Variants in BMP1 observed in about 807,000 individuals in gnomAD.
BMP1 encodes mammalian tolloid protein.
BMP1 carries 63 observed loss-of-function variants against 116.8 expected under a neutral mutation model. The observed-to-expected ratio is 0.54, with a 90% CI of 0.44 to 0.67. BMP1 has a LOEUF of 0.67. BMP1 is among the 30% of genes least tolerant of loss of function. The probability of loss-of-function intolerance (pLI) is 0.00; values close to 1 mark genes in which losing one functional copy is unlikely to be tolerated. For synonymous variants in BMP1, 536 were observed against 533.4 expected (o/e 1.00, Z -0.07); for missense variants, 1,183 against 1,358.9 (o/e 0.87, Z 2.04).
intron 1 of BMP1, among the ~76,000 whole-genome samples, chr8:22,168,492 AC>A (rs1225354018): frequency 6.6e-6 from 1 of 152,124 alleles, no homozygotes; most frequent in Non-Finnish European, 1.5e-5. Flanking sequence ...AGCATGTCAC[AC>A]CCAGAGCTGG....
intron 17 of BMP1, 57 bp downstream of exon 17, chr8:22,207,038 T>C (rs1829373677): frequency 6.3e-7 from 1 of 1,598,634 alleles, no homozygotes; most frequent in Non-Finnish European, 8.5e-7. Flanking sequence ...TCAGAGGCAC[T>C]GCCCAGAGCC....
chr8:22,200,701 G>A (rs746150458), intron 15 of BMP1, among the ~76,000 whole-genome samples: 1 of 152,108 alleles, frequency 6.6e-6, no homozygotes, highest in Non-Finnish European at 1.5e-5. Context: ...TTGCGAGTGC[G>A]TGTGTCTGTC....
chr8:22,170,792 T>TA (rs201059072), intron 1 of BMP1: 9,833 of 148,490 alleles, frequency 0.066, 431 homozygotes, highest in Middle Eastern at 0.11. Flanking sequence ...TCGTCTCTAC[T>TA]AAAAAAAAAA....
chr8:22,171,872 G>A (rs972790979), intron 1 of BMP1, among the ~76,000 whole-genome samples: 5 of 152,232 alleles, frequency 3.3e-5, no homozygotes, highest in Admixed American at 1.3e-4. Flanking sequence ...GAATATCAGC[G>A]TGGCAATTCA....
chr8:22,189,431 G>GATACAC (rs1314180842), intron 8 of BMP1, among the ~76,000 whole-genome samples: 2 of 31,744 alleles, frequency 6.3e-5, no homozygotes, highest in African/African-American at 3.0e-4. Flanking sequence ...TATTGATGGA[G>GATACAC]ATACACACAC....
At chr8:22,165,882 C>CGTGTGTGTGTGTGTGTGT (rs149003237) in intron 1 of BMP1, among the ~76,000 whole-genome samples, 2,206 of 131,356 alleles carry the variant, frequency 0.017, 65 homozygotes, top group Middle Eastern at 0.032. Context: ...CCTGTGCGTG[C>CGTGTGTGTGTGTGTGTGT]GTGTGTGTGT....
intron 8 of BMP1, among the ~76,000 whole-genome samples, chr8:22,190,251 C>G (rs1410730286): frequency 2.0e-5 from 3 of 152,200 alleles, no homozygotes; most frequent in Admixed American, 6.5e-5. Context: ...AAAACATGAT[C>G]TTACTCAATT....
chr8:22,178,096 C>G (rs1294224965), intron 6 of BMP1, 139 bp downstream of exon 6: 1 of 700,106 alleles, frequency 1.4e-6, no homozygotes, highest in East Asian at 2.7e-5. Context: ...GGCCTCCAAG[C>G]AGAGGGTCCG....
chr8:22,170,024 A>G (rs940451767), intron 1 of BMP1: 2 of 152,434 alleles, frequency 1.3e-5, no homozygotes, highest in African/African-American at 2.4e-5. Flanking sequence ...AGGGCAGCCC[A>G]AAAGCACAGA....
At chr8:22,174,421 C>G (rs1048722922) in intron 2 of BMP1, among the ~76,000 whole-genome samples, 1 of 152,076 alleles carries the variant, frequency 6.6e-6, no homozygotes, top group African/African-American at 2.4e-5. Flanking sequence ...CTCCTAAAAA[C>G]CCATGTGGTA....
intron 1 of BMP1, among the ~76,000 whole-genome samples, chr8:22,169,060 T>C (rs1339675263): frequency 1.3e-5 from 2 of 152,004 alleles, no homozygotes; most frequent in Non-Finnish European, 2.9e-5. Context: ...TCCCAGCTAC[T>C]TGGGAGGCTT....
At position 22,179,555 on chromosome 8, in the gene BMP1, A is replaced by G; in HGVS notation, c.837-150A>G. The G allele has an allele frequency of 1.5e-6, 2 of 1,343,644 alleles. No individual in the cohort carries two copies. The highest frequency in any genetic ancestry group is 2.0e-6 in the Non-Finnish European group (2 of 993,928). 83.2% of individuals were successfully genotyped at this position (1,343,644 alleles called of 1,614,324 possible). A position where few individuals can be genotyped will look rare whatever the true frequency, so the allele number is the denominator to read the frequency against. On this transcript the variant is annotated intron_variant, in intron 6 of 19. Transcript: ENST00000306385. The surrounding 1 kb of genome is among the most constrained non-coding windows in gnomAD (Gnocchi z 4.6). ...GCTGGTCAGTGGGTAGCATAATGAC[A>G]GGGTGAGACGACTCCACCCGGCCCT... is the stretch of plus-strand genomic sequence containing the variant.
chr8:22,206,455 T>A (rs1563279347), intron 16 of BMP1, among the ~76,000 whole-genome samples: 2 of 145,168 alleles, frequency 1.4e-5, no homozygotes, highest in Non-Finnish European at 3.0e-5. Flanking sequence ...TGAGCCGAGA[T>A]CACACCACTG....
chr8:22,202,575 C>T lies in BMP1; in HGVS notation c.2233+647C>T, dbSNP rs180731373. Among the ~76,000 whole-genome samples the T allele has an allele frequency of 2.4e-3, 371 of 152,328 alleles. 1 individual carries two copies. The highest frequency in any genetic ancestry group is 8.5e-3 in the African/African-American group (355 of 41,576). On this transcript the variant is annotated intron_variant, in intron 16 of 19. Transcript: ENST00000306385. ...TTTAAAAATAGCTCTAGGCCGGGCA[C>T]GGTGGCTCATGCCTGTAATCCCAGC...
At chr8:22,173,321 T>A (rs1471676668) in intron 1 of BMP1, among the ~76,000 whole-genome samples, 1 of 152,166 alleles carries the variant, frequency 6.6e-6, no homozygotes, top group Non-Finnish European at 1.5e-5. Context: ...GGTGAGACCC[T>A]ATCTGCCCCA....
In BMP1 at chr8:22,177,056, G is replaced by A. The variant is rs1348747141; in HGVS notation, c.647G>A (p.Gly216Asp). ...TTCGGCATTGTGGTCCACGAGCTGG[G>A]CCACGTCGTCGGCTTCTGGCACGAA... ...DKFGIVVHEL[G>D]HVVGFWHEHT... Residue 216 changes from glycine to aspartate, a missense_variant, in exon 5 of 20, where the codon GGC becomes GAC. By Grantham distance (94) the Gly-to-Asp change is moderately conservative. Coordinates refer to ENST00000306385, the MANE Select transcript of BMP1 (RefSeq NM_006129.5). The A allele has an allele frequency of 1.9e-6, 3 of 1,612,724 alleles. No homozygotes were observed. Among genetic ancestry groups the A allele is most frequent in the Non-Finnish European group, 1.7e-6 (2 of 1,179,492 alleles).
Position 22,173,607 on chromosome 8 carries a change from T to C in BMP1, c.154T>C (p.Phe52Leu). 2 of 1,609,348 alleles carry C rather than the reference T, an allele frequency of 1.2e-6. No homozygotes were observed. Among genetic ancestry groups the C allele is most frequent in the African/African-American group, 1.3e-5 (1 of 74,750 alleles). Residue 52 changes from phenylalanine (F) to leucine (L), a missense_variant, in exon 2 of 20, where the codon TTT (phenylalanine) becomes CTT (leucine). Phe to Leu is a conservative substitution (Grantham distance 22). Coordinates refer to ENST00000306385, the MANE Select transcript of BMP1 (RefSeq NM_006129.5). ...GCTTCTTCTTTTCTCTTTAGCTGCC[T>C]TTCTTGGGGACATTGCCCTGGACGA... ...NYKDPCKAAA[F>L]LGDIALDEED...
chr8:22,167,144 C>G (rs949966564), intron 1 of BMP1, among the ~76,000 whole-genome samples: 12 of 152,170 alleles, frequency 7.9e-5, no homozygotes, highest in African/African-American at 2.7e-4. Context: ...CAGACTGTCA[C>G]TTCATTTTTT....
At chr8:22,210,545 C>T (rs1829446704) in intron 19 of BMP1, among the ~76,000 whole-genome samples, 2 of 152,010 alleles carry the variant, frequency 1.3e-5, no homozygotes, top group Admixed American at 6.5e-5. Context: ...ACCTCCCTGT[C>T]CCCTTGCCTA....
Sources: gnomAD v4.1 joint callset for allele counts (sites outside exome capture counted in the v4.1 genomes callset) on GRCh38, gnomAD v4.1.1 for gene constraint, Gnocchi (gnomAD v3.1) non-coding constraint, MANE v1.5 for transcripts, NCBI Gene and HGNC (gene_info 2026-07-23, HGNC 2026-07-21) for gene names.